HSD17B11: variants seen among roughly 807,000 people sequenced by gnomAD.
HSD17B11 encodes the protein hydroxysteroid 17-beta dehydrogenase 11.
In HSD17B11, 22 loss-of-function variants were observed where a neutral mutation model predicts 27.8. That is an observed-to-expected ratio of 0.79 (90% CI 0.56 to 1.13). The LOEUF is 1.13. Ranked by LOEUF, HSD17B11 falls within the 50% of genes most tolerant of loss-of-function variation. The pLI is 0.00. For missense variants in HSD17B11, 314 were observed against 351.1 expected, an observed-to-expected ratio of 0.89 and a Z score of 0.84; for synonymous variants, 117 against 132.8, an observed-to-expected ratio of 0.88 and a Z score of 0.82.
In HSD17B11 at chr4:87,391,099, GTTT is replaced by G. The variant is rs58297196; in HGVS notation, c.-32_-30del. The G allele has an allele frequency of 8.1e-4, 1,045 of 1,287,840 alleles. No individual in the cohort carries two copies. The highest frequency in any genetic ancestry group is 6.9e-4 in the Admixed American group (28 of 40,672). 79.8% of individuals were successfully genotyped at this position (1,287,840 alleles called of 1,614,324 possible). A position where few individuals can be genotyped will look rare whatever the true frequency, so the allele number is the denominator to read the frequency against. On this transcript the variant is annotated 5_prime_UTR_variant, in exon 1 of 7. Transcript: ENST00000358290. The stretch of plus-strand genomic sequence containing the variant: ...TTTTGTGGCTGCGAGCGTTTGGTGT[GTTT>G]TTTTTTTTTTTTACCACTCTAAACT...
intron 1 of HSD17B11, among the ~76,000 whole-genome samples, chr4:87,386,234 G>A (rs553096767): frequency 4.2e-4 from 62 of 148,376 alleles, no homozygotes; most frequent in African/African-American, 1.3e-3. Flanking sequence ...ATGGAGTCTC[G>A]CTCTGTCACC....
At chr4:87,382,204 A>G (rs779485995) in intron 2 of HSD17B11, 51 bp downstream of exon 2, 4 of 1,375,768 alleles carry the variant, frequency 2.9e-6, no homozygotes, top group Admixed American at 3.4e-5. Context: ...CATCTCCAAA[A>G]CACCTCCTAG....
Position 87,357,326 on chromosome 4 carries a change from C to T in HSD17B11, c.648G>A (p.Leu216=), listed in dbSNP as rs1476396214. ...LQITGVKTTC[L]CPNFVNTGFI... ...AGCCAGTGTTTACGAAATTAGGACA[C>T]AGACATGTTGTTTTGACTCCAGTTA... The change falls in exon 5 of 7, where the codon CTG becomes CTA. Residue 216 remains leucine, a synonymous_variant. Transcript: ENST00000358290. 2 of 1,612,534 alleles carry T rather than the reference C, an allele frequency of 1.2e-6. No homozygotes were observed. The highest frequency in any genetic ancestry group is 1.7e-5 in the Admixed American group (1 of 59,656).
At chr4:87,339,333 C>T (rs1338807892) in intron 6 of HSD17B11, among the ~76,000 whole-genome samples, 1 of 152,228 alleles carries the variant, frequency 6.6e-6, no homozygotes, top group African/African-American at 2.4e-5. Context: ...GAAAGCCTAA[C>T]ATATGTCATG....
intron 6 of HSD17B11, 138 bp from the exon 7 acceptor site, chr4:87,337,504 C>A: frequency 1.7e-6 from 1 of 595,438 alleles, no homozygotes; most frequent in Non-Finnish European, 3.0e-6. Flanking sequence ...AAATCTGAGT[C>A]ACTACTATAT....
At chr4:87,372,913 A>G (rs1214516443) in intron 3 of HSD17B11, 98 bp from the exon 4 acceptor site, 6 of 726,402 alleles carry the variant, frequency 8.3e-6, no homozygotes, top group Non-Finnish European at 2.3e-6. Context: ...TTTAACATTA[A>G]TCCTGTCATA....
intron 1 of HSD17B11, among the ~76,000 whole-genome samples, chr4:87,388,053 A>G (rs1180400437): frequency 1.3e-5 from 2 of 151,976 alleles, no homozygotes; most frequent in East Asian, 3.9e-4. Context: ...AAGCCAAAAT[A>G]CAGGAAATTT....
chr4:87,356,093 G>A (rs1421207773), intron 5 of HSD17B11, among the ~76,000 whole-genome samples: 8 of 152,146 alleles, frequency 5.3e-5, no homozygotes, highest in Non-Finnish European at 1.0e-4. Flanking sequence ...CTGGATTGGC[G>A]GTGATTAAAA....
intron 4 of HSD17B11, among the ~76,000 whole-genome samples, chr4:87,370,757 T>TATTATTATTATTA (rs1553959707): frequency 1.6e-4 from 2 of 12,216 alleles, no homozygotes; most frequent in East Asian, 9.4e-4. Context: ...TTATTATTAT[T>TATTATTATTATTA]TTTTTTTTTT....
intron 2 of HSD17B11, among the ~76,000 whole-genome samples, chr4:87,377,456 A>T (rs1005323626): frequency 6.6e-6 from 1 of 152,092 alleles, no homozygotes; most frequent in African/African-American, 2.4e-5. Context: ...TCTCAAAAAA[A>T]AAAAAGACTA....
At chr4:87,379,621 T>C (rs1720074571) in intron 2 of HSD17B11, among the ~76,000 whole-genome samples, 1 of 145,534 alleles carries the variant, frequency 6.9e-6, no homozygotes, top group African/African-American at 2.5e-5. Flanking sequence ...TATACATATA[T>C]GTATTATATT....
chr4:87,338,638 C>A (rs970127825), intron 6 of HSD17B11, among the ~76,000 whole-genome samples: 2 of 152,140 alleles, frequency 1.3e-5, no homozygotes, highest in East Asian at 3.9e-4. Flanking sequence ...TGAGCTCAAG[C>A]AATTCTCCCA....
At chr4:87,387,950 T>G in intron 1 of HSD17B11, among the ~76,000 whole-genome samples, 1 of 152,226 alleles carries the variant, frequency 6.6e-6, no homozygotes, top group East Asian at 1.9e-4. Flanking sequence ...CTTCCATCTT[T>G]TCTCCTCTTA....
At chr4:87,384,059 T>C (rs776643400) in intron 1 of HSD17B11, among the ~76,000 whole-genome samples, 1 of 152,164 alleles carries the variant, frequency 6.6e-6, no homozygotes, top group Non-Finnish European at 1.5e-5. Flanking sequence ...ATTAGTAGCT[T>C]GCATAGTGAA....
Position 87,382,319 on chromosome 4 carries a change from G to A in HSD17B11, c.254C>T (p.Ala85Val), listed in dbSNP as rs748860213. 1 of 1,613,920 alleles carries A rather than the reference G, an allele frequency of 6.2e-7. No individual in the cohort carries two copies. Among genetic ancestry groups the A allele is most frequent in the Non-Finnish European group, 8.5e-7 (1 of 1,179,898 alleles). The stretch of plus-strand genomic sequence containing the variant: ...GTCTACCACAAAGGTATGAACCTTG[G>A]CACCCAGTCCCTTGCATTTGGCAGC... Reference protein sequence around the residue: ...ETAAKCKGLGAKVHTFVVDCS... With the variant: ...ETAAKCKGLGVKVHTFVVDCS... Residue 85 changes from alanine (A) to valine (V), a missense_variant, in exon 2 of 7, where the codon GCC becomes GTC. By Grantham distance (64) the Ala-to-Val change is moderately conservative. Transcript: ENST00000358290.
At position 87,391,085 on chromosome 4, in the gene HSD17B11, C is replaced by T. The variant is rs376904414; in HGVS notation, c.-15G>A. On this transcript the variant is annotated 5_prime_UTR_variant, in exon 1 of 7. Coordinates refer to ENST00000358290, the MANE Select transcript of HSD17B11 (RefSeq NM_016245.5). ...AGAAATTTCATCCCTTTTGTGGCTG[C>T]GAGCGTTTGGTGTGTTTTTTTTTTT... The T allele has an allele frequency of 5.5e-5, 86 of 1,568,272 alleles. No homozygotes were observed. The African/African-American group carries it at 1.2e-3, about 21-fold the overall frequency.
At chr4:87,357,104 T>C (rs1219483835) in intron 5 of HSD17B11, among the ~76,000 whole-genome samples, 175 bp downstream of exon 5, 1 of 152,246 alleles carries the variant, frequency 6.6e-6, no homozygotes, top group Admixed American at 6.5e-5. Flanking sequence ...GCTCCCTTGC[T>C]TTCTCTCTTT....
chr4:87,363,132 T>G lies in HSD17B11; in HGVS notation c.558-5716A>C, dbSNP rs181969208. ...CTCTGGTCAAAATGAAAAAAAAAAT[T>G]TTTTTCCTTTATGATGCAGCTTGGC... On this transcript the variant is annotated intron_variant, in intron 4 of 6. Transcript: ENST00000358290. Among the ~76,000 whole-genome samples the G allele has an allele frequency of 2.0e-4, 31 of 152,046 alleles. No homozygotes were observed. In the East Asian group the frequency reaches 5.4e-3, roughly 27 times the overall value.
chr4:87,340,117 G>T (rs1735138429), intron 6 of HSD17B11, among the ~76,000 whole-genome samples: 1 of 152,142 alleles, frequency 6.6e-6, no homozygotes, highest in Non-Finnish European at 1.5e-5. Flanking sequence ...AAAGCTCAAT[G>T]ATTATCTGTT....
Sources: gnomAD v4.1 joint callset for allele counts (sites outside exome capture counted in the v4.1 genomes callset) on GRCh38, gnomAD v4.1.1 for gene constraint, MANE v1.5 for transcripts, NCBI Gene and HGNC (gene_info 2026-07-23, HGNC 2026-07-21) for gene names.